The following MTBP variants were observed in gnomAD, a reference collection of about 807,000 sequenced individuals.
MTBP encodes mdm2-binding protein.
MTBP carries 101 observed loss-of-function variants against 117.0 expected under a neutral mutation model. The observed-to-expected ratio is 0.86, with a 90% CI of 0.73 to 1.02. The LOEUF (loss-of-function observed/expected upper bound fraction) is 1.02, where lower values mean the gene tolerates loss of function less well. MTBP is among the 50% of genes least tolerant of loss of function. MTBP has a pLI of 0.00. For synonymous variants in MTBP, 350 were observed against 351.5 expected, an observed-to-expected ratio of 1.00 and a Z score of 0.05; for missense variants, 970 against 1,030.9, an observed-to-expected ratio of 0.94 and a Z score of 0.81.
chr8:120,483,938 G>A (rs1391817481), intron 11 of MTBP, among the ~76,000 whole-genome samples: 3 of 151,982 alleles, frequency 2.0e-5, no homozygotes, highest in Admixed American at 6.6e-5. Context: ...ACTCTCTGTG[G>A]CATTTACATA....
At position 120,459,307 on chromosome 8, in the gene MTBP, C is replaced by CA. The variant is rs748696805; in HGVS notation, c.845dup (p.Ile283AspfsTer7). 6.2e-7 allele frequency: 1 copy of CA among 1,611,388 alleles called. No individual in the cohort carries two copies. The highest frequency in any genetic ancestry group is 1.1e-5 in the South Asian group (1 of 90,416). On this transcript the variant is annotated frameshift_variant, in exon 8 of 22. Transcript: ENST00000305949. LOFTEE classifies it high-confidence loss of function. ...CTAATTTAAATACTGACTTCCTTGC[C>CA]AAAAAGATCATACCATCAAAGGATA... is the stretch of plus-strand genomic sequence containing the variant.
intron 17 of MTBP, 83 bp from the exon 18 acceptor site, chr8:120,515,842 T>C (rs1400239371): frequency 8.0e-7 from 1 of 1,250,688 alleles, no homozygotes; most frequent in Non-Finnish European, 1.1e-6. Flanking sequence ...TTAAAGTAAA[T>C]GTCCTGCTAT....
chr8:120,453,440 C>G (rs1813402518), intron 4 of MTBP, among the ~76,000 whole-genome samples: 1 of 152,070 alleles, frequency 6.6e-6, no homozygotes, highest in Non-Finnish European at 1.5e-5. Flanking sequence ...GAGTCAGACC[C>G]TGTCTCAAAA....
At chr8:120,495,437 C>G (rs1814431196) in intron 13 of MTBP, among the ~76,000 whole-genome samples, 1 of 152,094 alleles carries the variant, frequency 6.6e-6, no homozygotes, top group African/African-American at 2.4e-5. Context: ...TCTTCCCCAC[C>G]AGCCCCATTT....
intron 7 of MTBP, among the ~76,000 whole-genome samples, chr8:120,458,067 T>C (rs1813508253): frequency 6.6e-6 from 1 of 152,206 alleles, no homozygotes; most frequent in East Asian, 1.9e-4. Context: ...AGAGAGATAA[T>C]GGCAGAGTTC....
chr8:120,466,304 C>A (rs909042498), intron 10 of MTBP, among the ~76,000 whole-genome samples: 1 of 149,958 alleles, frequency 6.7e-6, no homozygotes, highest in Admixed American at 6.7e-5. Flanking sequence ...CTCCGTCTCC[C>A]GGGTTCAAGC....
intron 11 of MTBP, among the ~76,000 whole-genome samples, chr8:120,479,369 T>A (rs1377759306): frequency 6.6e-6 from 1 of 152,204 alleles, no homozygotes; most frequent in Non-Finnish European, 1.5e-5. Flanking sequence ...AAAGGACTGA[T>A]AGGATTTTGA....
chr8:120,460,147 T>C (rs1052441332), intron 8 of MTBP, among the ~76,000 whole-genome samples: 2 of 152,124 alleles, frequency 1.3e-5, no homozygotes, highest in African/African-American at 2.4e-5. Context: ...TTTGAACTCA[T>C]TTCTCAATAT....
chr8:120,466,766 C>T (rs987955106), intron 10 of MTBP, among the ~76,000 whole-genome samples: 2 of 151,762 alleles, frequency 1.3e-5, no homozygotes, highest in South Asian at 2.1e-4. Context: ...CCCAGCTATG[C>T]GGGAGGCTGA....
intron 9 of MTBP, 106 bp downstream of exon 9, chr8:120,461,361 T>C (rs1004709588): frequency 1.3e-6 from 1 of 756,726 alleles, no homozygotes; most frequent in Non-Finnish European, 2.1e-6. Context: ...TTTTTCATTA[T>C]ATTCACTGTT....
At chr8:120,446,076 TA>T (rs1813219947) in intron 1 of MTBP, among the ~76,000 whole-genome samples, 1 of 152,242 alleles carries the variant, frequency 6.6e-6, no homozygotes, top group South Asian at 2.1e-4. Flanking sequence ...TGCACCCGTC[TA>T]GATTCAATAT....
intron 11 of MTBP, chr8:120,472,304 T>A (rs1813832681): frequency 6.6e-6 from 1 of 152,196 alleles, no homozygotes; most frequent in Non-Finnish European, 1.5e-5. Context: ...ATGTGGAAAT[T>A]TAAATGTAGA....
chr8:120,480,841 A>G (rs913197701), intron 11 of MTBP, among the ~76,000 whole-genome samples: 1 of 152,216 alleles, frequency 6.6e-6, no homozygotes, highest in African/African-American at 2.4e-5. Flanking sequence ...ACAAATTTAT[A>G]AAGTAGAATT....
chr8:120,504,258 C>T (rs990895020), intron 15 of MTBP, among the ~76,000 whole-genome samples: 2 of 152,088 alleles, frequency 1.3e-5, no homozygotes, highest in African/African-American at 4.8e-5. Flanking sequence ...TTCTTGCCTA[C>T]CAATTTTAGA....
At chr8:120,511,937 GTTC>G (rs970437415) in intron 17 of MTBP, among the ~76,000 whole-genome samples, 2 of 151,878 alleles carry the variant, frequency 1.3e-5, no homozygotes, top group African/African-American at 4.8e-5. Context: ...TGAAGATTTG[GTTC>G]TTCTTCTCAA....
At chr8:120,484,826 C>G (rs940773380) in intron 11 of MTBP, among the ~76,000 whole-genome samples, 10 of 152,106 alleles carry the variant, frequency 6.6e-5, no homozygotes, top group Admixed American at 3.9e-4. Context: ...ACCCATTCCT[C>G]CTCCCTACCC....
chr8:120,478,108 A>G (rs901358392), intron 11 of MTBP, among the ~76,000 whole-genome samples: 6 of 152,224 alleles, frequency 3.9e-5, no homozygotes, highest in South Asian at 2.1e-4. Context: ...TTGCACGGAC[A>G]TGGATGAAGC....
At chr8:120,454,856 G>C (rs1220779837) in intron 5 of MTBP, among the ~76,000 whole-genome samples, 1 of 151,896 alleles carries the variant, frequency 6.6e-6, no homozygotes, top group Admixed American at 6.6e-5. Flanking sequence ...GATTTTTGTA[G>C]TCCTTCAGGA....
intron 20 of MTBP, among the ~76,000 whole-genome samples, chr8:120,520,306 A>G (rs1814991380): frequency 6.6e-6 from 1 of 152,180 alleles, no homozygotes; most frequent in Non-Finnish European, 1.5e-5. Flanking sequence ...CTTTAAAAAT[A>G]TGATAAAGTC....
Sources: gnomAD v4.1 joint callset for allele counts (sites outside exome capture counted in the v4.1 genomes callset) on GRCh38, gnomAD v4.1.1 for gene constraint, MANE v1.5 for transcripts, NCBI Gene and HGNC (gene_info 2026-07-23, HGNC 2026-07-21) for gene names.